Variants in HS6ST1 observed in about 807,000 individuals in gnomAD.
The protein encoded by HS6ST1 is heparan-sulfate 6-O-sulfotransferase 1.
A neutral mutation model predicts 25.2 loss-of-function variants in HS6ST1; 3 were observed. The ratio of observed to expected loss-of-function variants is 0.12; its 90% CI spans 0.05 to 0.31. HS6ST1 has a LOEUF of 0.31. Ranked by LOEUF, HS6ST1 falls within the 10% of genes least tolerant of loss-of-function variation. The probability of loss-of-function intolerance (pLI) is 1.00; values close to 1 mark genes in which losing one functional copy is unlikely to be tolerated. For missense variants in HS6ST1, 310 were observed against 609.6 expected (o/e 0.51, Z 5.18); for synonymous variants, 204 against 275.1 (o/e 0.74, Z 2.56).
At chr2:128,316,139 A>ACCTGGTCC (rs1694359923) in intron 1 of HS6ST1, among the ~76,000 whole-genome samples, 1 of 152,158 alleles carries the variant, frequency 6.6e-6, no homozygotes. Context: ...CATCGGCCCC[A>ACCTGGTCC]CCTGGTCCTC....
chr2:128,283,658 G>A (rs777968533), intron 1 of HS6ST1, among the ~76,000 whole-genome samples: 13 of 152,180 alleles, frequency 8.5e-5, no homozygotes, highest in Non-Finnish European at 1.3e-4. Flanking sequence ...TGCAGCCTCG[G>A]CCTCCCCCTC....
In HS6ST1 at chr2:128,279,782, C is replaced by T. The variant is rs962128614; in HGVS notation, c.528-10912G>A. Among the ~76,000 whole-genome samples the T allele has an allele frequency of 4.6e-5, 7 of 152,250 alleles. No homozygotes were observed. The East Asian group carries it at 7.7e-4, about 17-fold the overall frequency. The stretch of plus-strand genomic sequence containing the variant: ...CTGCACTCCAACCTGGGCAACAGAG[C>T]GAGACTTTGTCTCTCAACAGAACAA... On this transcript the variant is annotated intron_variant, in intron 1 of 1. Transcript: ENST00000259241.
intron 1 of HS6ST1, among the ~76,000 whole-genome samples, chr2:128,280,646 C>A (rs757797522): frequency 6.6e-6 from 1 of 152,170 alleles, no homozygotes; most frequent in African/African-American, 2.4e-5. Flanking sequence ...ACAGAAAATG[C>A]TGGGCTAAGG....
At chr2:128,304,701 T>C (rs1266535773) in intron 1 of HS6ST1, among the ~76,000 whole-genome samples, 3 of 152,200 alleles carry the variant, frequency 2.0e-5, no homozygotes, top group Admixed American at 6.5e-5. Flanking sequence ...GAGGCACCCA[T>C]GTACCAGAGA....
intron 1 of HS6ST1, among the ~76,000 whole-genome samples, chr2:128,311,217 G>C (rs1694285653): frequency 6.6e-6 from 1 of 152,154 alleles, no homozygotes; most frequent in Non-Finnish European, 1.5e-5. Context: ...TTTCTGAGAA[G>C]GCAAGAACAG....
intron 1 of HS6ST1, among the ~76,000 whole-genome samples, chr2:128,274,963 CAAAAAAAAAAAAAAA>C (rs56898137): frequency 3.9e-5 from 2 of 51,238 alleles, no homozygotes; most frequent in Admixed American, 5.1e-4. Context: ...GACTCCGTCT[CAAAAAAAAAAAAAAA>C]AAAAAAAAAA....
chr2:128,274,987 A>AG (rs1178128783), intron 1 of HS6ST1, among the ~76,000 whole-genome samples: 1 of 150,816 alleles, frequency 6.6e-6, no homozygotes, highest in African/African-American at 2.5e-5. Context: ...AAAAAAAAAA[A>AG]AAGGAGTTGG....
rs1215855294 is a variant in HS6ST1 at position 128,265,787 on chromosome 2, T to C, written c.*2375A>G. On this transcript the variant is annotated 3_prime_UTR_variant, in exon 2 of 2. Coordinates refer to ENST00000259241, the MANE Select transcript of HS6ST1 (RefSeq NM_004807.3). ...CTGGGGGTCCTGGTGACTAAGCTGT[T>C]AGCTCCACTCCCTGCCTGTTTCCGT... 1 of 152,198 alleles carries C rather than the reference T, an allele frequency of 6.6e-6. No homozygotes were observed. Among genetic ancestry groups the C allele is most frequent in the Non-Finnish European group, 1.5e-5 (1 of 68,040 alleles). 9.4% of individuals were successfully genotyped at this position (152,198 alleles called of 1,614,324 possible).
chr2:128,267,178 G>A lies in HS6ST1; in HGVS notation c.*984C>T, dbSNP rs958417483. 3 of 152,198 alleles carry A rather than the reference G, an allele frequency of 2.0e-5. No homozygotes were observed. Among genetic ancestry groups the A allele is most frequent in the African/African-American group, 7.2e-5 (3 of 41,434 alleles). 9.4% of individuals were successfully genotyped at this position (152,198 alleles called of 1,614,324 possible). ...CTTAATCCGTACGCTGGTGGGAGCA[G>A]TGGTATTTGAGCTCTTGAGTATGTG... is the stretch of plus-strand genomic sequence containing the variant. On this transcript the variant is annotated 3_prime_UTR_variant, in exon 2 of 2. Coordinates refer to ENST00000259241, the MANE Select transcript of HS6ST1 (RefSeq NM_004807.3).
intron 1 of HS6ST1, among the ~76,000 whole-genome samples, chr2:128,316,536 G>T (rs938265978): frequency 6.6e-6 from 1 of 152,146 alleles, no homozygotes; most frequent in Non-Finnish European, 1.5e-5. Flanking sequence ...GGGTTAGGGG[G>T]GCCCTGCAGC....
At chr2:128,301,702 C>T (rs1208489818) in intron 1 of HS6ST1, among the ~76,000 whole-genome samples, 2 of 152,120 alleles carry the variant, frequency 1.3e-5, no homozygotes, top group Non-Finnish European at 2.9e-5. Flanking sequence ...GCTTTGTCAG[C>T]CCCTGGTCAA....
chr2:128,311,180 C>T (rs1192011256), intron 1 of HS6ST1, among the ~76,000 whole-genome samples: 1 of 152,190 alleles, frequency 6.6e-6, no homozygotes, highest in Non-Finnish European at 1.5e-5. Flanking sequence ...CCAAAACAGA[C>T]AGCAAATCTT....
chr2:128,298,638 G>A (rs1006534699), intron 1 of HS6ST1, among the ~76,000 whole-genome samples: 8 of 152,138 alleles, frequency 5.3e-5, no homozygotes, highest in South Asian at 2.1e-4. Context: ...TAGGATGGAC[G>A]GCGTGAGAGG....
At chr2:128,315,662 A>C (rs545395596) in intron 1 of HS6ST1, among the ~76,000 whole-genome samples, 1 of 152,322 alleles carries the variant, frequency 6.6e-6, no homozygotes, top group Admixed American at 6.5e-5. Context: ...GTCCCTGGGC[A>C]GATGGGGGAA....
chr2:128,311,284 C>T (rs1313142632), intron 1 of HS6ST1, among the ~76,000 whole-genome samples: 1 of 152,224 alleles, frequency 6.6e-6, no homozygotes, highest in Non-Finnish European at 1.5e-5. Flanking sequence ...ATAAATACTG[C>T]TGTGGAGTGG....
chr2:128,288,695 A>G (rs1693904557), intron 1 of HS6ST1, among the ~76,000 whole-genome samples: 1 of 85,142 alleles, frequency 1.2e-5, no homozygotes, highest in African/African-American at 6.0e-5. Context: ...AAACAAACAA[A>G]CAAAACAATC....
chr2:128,273,514 G>T (rs1023996150), intron 1 of HS6ST1, among the ~76,000 whole-genome samples: 1 of 152,206 alleles, frequency 6.6e-6, no homozygotes, highest in African/African-American at 2.4e-5. Flanking sequence ...TACCTGGCAC[G>T]CCCCTCCATA....
At chr2:128,303,174 T>C (rs1694158359) in intron 1 of HS6ST1, among the ~76,000 whole-genome samples, 1 of 152,156 alleles carries the variant, frequency 6.6e-6, no homozygotes, top group Admixed American at 6.5e-5. Flanking sequence ...ACACCTCCAC[T>C]CTCGACGTTC....
chr2:128,308,294 G>A (rs1026484332), intron 1 of HS6ST1, among the ~76,000 whole-genome samples: 4 of 152,198 alleles, frequency 2.6e-5, no homozygotes, highest in South Asian at 2.1e-4. Flanking sequence ...AACTCCACAA[G>A]GCTCCCCAGT....
Sources: gnomAD v4.1 joint callset for allele counts (sites outside exome capture counted in the v4.1 genomes callset) on GRCh38, gnomAD v4.1.1 for gene constraint, MANE v1.5 for transcripts, NCBI Gene and HGNC (gene_info 2026-07-23, HGNC 2026-07-21) for gene names.